CCDC171: variants seen among roughly 807,000 people sequenced by gnomAD.
CCDC171 encodes the protein coiled-coil domain containing 171.
A neutral mutation model predicts 168.2 loss-of-function variants in CCDC171; 177 were observed. The observed-to-expected ratio is 1.05, with a 90% CI of 0.93 to 1.19. CCDC171 has a LOEUF of 1.19. CCDC171 is among the 50% of genes most tolerant of loss of function. The pLI, the probability that CCDC171 is intolerant of heterozygous loss-of-function variation, is 0.00. For synonymous variants in CCDC171, 687 were observed against 540.8 expected, an observed-to-expected ratio of 1.27 and a Z score of -3.75; for missense variants, 1,991 against 1,539.0, an observed-to-expected ratio of 1.29 and a Z score of -4.91.
intron 7 of CCDC171, among the ~76,000 whole-genome samples, chr9:15,637,554 G>C: frequency 1.3e-5 from 2 of 151,326 alleles, no homozygotes; most frequent in East Asian, 3.9e-4. Flanking sequence ...GTGCCATGCT[G>C]GTGTGCTGCA....
intron 6 of CCDC171, among the ~76,000 whole-genome samples, chr9:15,619,908 G>C (rs779338760): frequency 6.6e-6 from 1 of 152,112 alleles, no homozygotes; most frequent in Non-Finnish European, 1.5e-5. Context: ...GGGCCCTTAA[G>C]AATTATGCTA....
At chr9:15,975,414 A>G (rs574918592), downstream of CCDC171, among the ~76,000 whole-genome samples, 7 of 152,324 alleles carry the variant, frequency 4.6e-5, no homozygotes, top group South Asian at 2.1e-4. Flanking sequence ...GCTAGGAATA[A>G]TTTTGATAAG....
At chr9:15,812,480 A>G (rs1397492153) in intron 21 of CCDC171, among the ~76,000 whole-genome samples, 2 of 152,210 alleles carry the variant, frequency 1.3e-5, no homozygotes, top group Admixed American at 6.5e-5. Context: ...AAATTGCCTT[A>G]TAGTCTTTTA....
chr9:15,769,712 G>A (rs1423997886), intron 18 of CCDC171, among the ~76,000 whole-genome samples: 1 of 152,196 alleles, frequency 6.6e-6, no homozygotes. Context: ...CTGGTGCAGT[G>A]CAGCCGGCCA....
intron 16 of CCDC171, among the ~76,000 whole-genome samples, chr9:15,737,314 A>G (rs1053347926): frequency 6.6e-6 from 1 of 152,196 alleles, no homozygotes; most frequent in Non-Finnish European, 1.5e-5. Flanking sequence ...GAAAAAGTAA[A>G]TAATACAAGG....
intron 3 of CCDC171, among the ~76,000 whole-genome samples, chr9:15,992,982 A>G (rs200991615): frequency 8.5e-5 from 13 of 152,210 alleles, no homozygotes; most frequent in Non-Finnish European, 1.5e-4. Flanking sequence ...ATGCTCATGG[A>G]TAGGAAGAAT....
At chr9:15,593,661 TTATATC>T (rs1053607013) in intron 5 of CCDC171, among the ~76,000 whole-genome samples, 3 of 152,094 alleles carry the variant, frequency 2.0e-5, no homozygotes, top group African/African-American at 7.2e-5. Context: ...TCTACTTTGT[TTATATC>T]TATCATATGA....
chr9:15,624,251 C>T (rs1201219802), intron 7 of CCDC171, among the ~76,000 whole-genome samples: 1 of 151,918 alleles, frequency 6.6e-6, no homozygotes, highest in African/African-American at 2.4e-5. Flanking sequence ...AAATTATTGA[C>T]ACTAGTAAAA....
At chr9:15,875,066 A>G (rs537619266) in intron 24 of CCDC171, 2 of 152,590 alleles carry the variant, frequency 1.3e-5, no homozygotes, top group African/African-American at 4.8e-5. Context: ...CTTTAGTTGT[A>G]AACATCAAAA....
chr9:16,094,958 T>G, the CCDC171 span, among the ~76,000 whole-genome samples: 1 of 152,056 alleles, frequency 6.6e-6, no homozygotes, highest in Non-Finnish European at 1.5e-5. Flanking sequence ...TCTCATGAGA[T>G]CTGGTTGTTT....
At chr9:15,634,089 T>C (rs532497220) in intron 7 of CCDC171, among the ~76,000 whole-genome samples, 1 of 152,292 alleles carries the variant, frequency 6.6e-6, no homozygotes, top group East Asian at 1.9e-4. Context: ...GATGAGTTAA[T>C]GGGTGCAGCG....
the CCDC171 span, among the ~76,000 whole-genome samples, chr9:16,106,878 T>C: frequency 6.6e-6 from 1 of 152,146 alleles, no homozygotes; most frequent in Non-Finnish European, 1.5e-5. Flanking sequence ...GGTGTCACCC[T>C]CCAGGTTCAG....
intron 21 of CCDC171, among the ~76,000 whole-genome samples, chr9:15,817,343 G>C: frequency 8.5e-6 from 1 of 117,578 alleles, no homozygotes; most frequent in South Asian, 2.8e-4. Context: ...GCCGAACAGT[G>C]GGTGCAGGAC....
chr9:16,094,680 G>A, the CCDC171 span, among the ~76,000 whole-genome samples: 1 of 152,186 alleles, frequency 6.6e-6, no homozygotes, highest in Non-Finnish European at 1.5e-5. Context: ...TTCAGGAGAT[G>A]TAGTTTCAAT....
At chr9:15,589,359 C>G (rs1011991852) in intron 4 of CCDC171, among the ~76,000 whole-genome samples, 3 of 152,174 alleles carry the variant, frequency 2.0e-5, no homozygotes, top group Non-Finnish European at 2.9e-5. Context: ...TCTGGACTTT[C>G]CAATGACACC....
chr9:15,692,113 C>T (rs1226323415), intron 10 of CCDC171, among the ~76,000 whole-genome samples: 3 of 152,158 alleles, frequency 2.0e-5, no homozygotes, highest in African/African-American at 7.2e-5. Flanking sequence ...TGGTGGCTCA[C>T]GCCTGTAATC....
chr9:15,745,699 C>T, intron 18 of CCDC171, 68 bp downstream of exon 18: 1 of 882,808 alleles, frequency 1.1e-6, no homozygotes, highest in Non-Finnish European at 1.7e-6. Flanking sequence ...TTCTTTATGT[C>T]ACAAATTCTA....
the CCDC171 span, among the ~76,000 whole-genome samples, chr9:16,091,614 G>C: frequency 3.7e-3 from 565 of 152,284 alleles, 6 homozygotes; most frequent in African/African-American, 0.013. Context: ...GGCTCCTTCT[G>C]CACATTCTAG....
intron 24 of CCDC171, among the ~76,000 whole-genome samples, chr9:15,880,511 C>T (rs1818484245): frequency 6.7e-6 from 1 of 149,280 alleles, no homozygotes; most frequent in Non-Finnish European, 1.5e-5. Context: ...GGCTGGAGTG[C>T]AGTGACGTGA....
Sources: gnomAD v4.1 joint callset for allele counts (sites outside exome capture counted in the v4.1 genomes callset) on GRCh38, gnomAD v4.1.1 for gene constraint, MANE v1.5 for transcripts, NCBI Gene and HGNC (gene_info 2026-07-23, HGNC 2026-07-21) for gene names.